Variants in PCDHA4 observed in about 807,000 individuals in gnomAD.
PCDHA4 encodes protocadherin alpha-4.
A neutral mutation model predicts 61.4 loss-of-function variants in PCDHA4; 49 were observed. The ratio of observed to expected loss-of-function variants is 0.80; its 90% CI spans 0.63 to 1.01. The LOEUF is 1.01. Among genes scored for constraint, PCDHA4 ranks in the 50% least tolerant of loss-of-function variants. The pLI is 0.00. For missense variants in PCDHA4, 1,254 were observed against 1,235.8 expected (o/e 1.01, Z -0.22); for synonymous variants, 590 against 550.3 (o/e 1.07, Z -1.01).
At chr5:140,871,649 G>T (rs781859029) in intron 1 of PCDHA4, 1 of 1,265,824 alleles carries the variant, frequency 7.9e-7, no homozygotes, top group Admixed American at 2.9e-5. Flanking sequence ...AATACCAAAT[G>T]ATACACATCT....
intron 1 of PCDHA4, among the ~76,000 whole-genome samples, chr5:140,939,605 G>GAACAAGGA (rs1468383916): frequency 1.3e-5 from 2 of 152,082 alleles, no homozygotes; most frequent in African/African-American, 4.8e-5. Flanking sequence ...CTCAAAAACA[G>GAACAAGGA]AACAAGGAGA....
chr5:140,961,776 A>G (rs1554225585), intron 1 of PCDHA4, among the ~76,000 whole-genome samples: 1 of 152,188 alleles, frequency 6.6e-6, no homozygotes, highest in African/African-American at 2.4e-5. Flanking sequence ...ATCAAGCTTA[A>G]TGGCACTTTT....
At chr5:140,811,329 G>C (rs1320139651) in intron 1 of PCDHA4, 2 of 152,082 alleles carry the variant, frequency 1.3e-5, no homozygotes, top group African/African-American at 4.8e-5. Flanking sequence ...CTCTACAAAG[G>C]ACATGAACTC....
chr5:140,828,403 C>T (rs2150154987), intron 1 of PCDHA4: 1 of 1,614,256 alleles, frequency 6.2e-7, no homozygotes, highest in South Asian at 1.1e-5. Flanking sequence ...AGTGCAGCAT[C>T]CACCTGGAGG....
At chr5:140,834,956 T>G (rs2150229347) in intron 1 of PCDHA4, 2 of 1,534,454 alleles carry the variant, frequency 1.3e-6, no homozygotes, top group African/African-American at 1.5e-5. Context: ...AGGTAAAACC[T>G]CTTGGACTTG....
At chr5:140,822,499 G>T (rs1554128681) in intron 1 of PCDHA4, 2 of 1,613,848 alleles carry the variant, frequency 1.2e-6, no homozygotes, top group South Asian at 1.1e-5. Flanking sequence ...CCCAGAATTT[G>T]ATAAATCCAT....
chr5:140,957,717 A>G (rs2095377934), intron 1 of PCDHA4, among the ~76,000 whole-genome samples: 1 of 152,166 alleles, frequency 6.6e-6, no homozygotes, highest in African/African-American at 2.4e-5. Context: ...TTATTAAGAA[A>G]GAAGCAGAAT....
intron 1 of PCDHA4, chr5:140,883,468 C>A: frequency 6.2e-7 from 1 of 1,614,164 alleles, no homozygotes; most frequent in South Asian, 1.1e-5. Context: ...TGGTGTCCAC[C>A]TACAAGAACT....
In PCDHA4 at chr5:140,823,478, G is replaced by T. The variant is rs2150126228; in HGVS notation, c.2385+13906G>T. ...AACGCGCCGGCGCTGCTGGTGCCTC[G>T]AGTGGGTGGCACCGGCGGCGCAGTG... On this transcript the variant is annotated intron_variant, in intron 1 of 3. Transcript: ENST00000530339. The T allele has an allele frequency of 3.1e-6, 5 of 1,613,472 alleles. No individual in the cohort carries two copies. In the East Asian group the frequency reaches 8.9e-5, roughly 29 times the overall value.
intron 1 of PCDHA4, among the ~76,000 whole-genome samples, chr5:140,977,005 A>C (rs982594376): frequency 3.3e-5 from 5 of 152,156 alleles, no homozygotes; most frequent in Non-Finnish European, 5.9e-5. Flanking sequence ...AAATCTTGTA[A>C]CTGTGATTCT....
intron 1 of PCDHA4, chr5:140,856,464 T>C (rs2044012633): frequency 1.3e-6 from 2 of 1,598,082 alleles, no homozygotes; most frequent in Non-Finnish European, 1.7e-6. Flanking sequence ...GAACAAAAGC[T>C]CTCAATACCT....
intron 1 of PCDHA4, chr5:140,876,061 C>G (rs782151232): frequency 6.2e-7 from 1 of 1,613,778 alleles, no homozygotes; most frequent in Non-Finnish European, 8.5e-7. Context: ...ATTAGTTCTT[C>G]GGAAGTTATT....
intron 3 of PCDHA4, among the ~76,000 whole-genome samples, chr5:140,992,344 T>G (rs2097506257): frequency 6.6e-6 from 1 of 152,124 alleles, no homozygotes; most frequent in Non-Finnish European, 1.5e-5. Context: ...GATGGAAATG[T>G]GGAGAGAGGA....
intron 1 of PCDHA4, among the ~76,000 whole-genome samples, chr5:140,906,089 A>G (rs13182228): frequency 0.33 from 49,632 of 151,980 alleles, 8,394 homozygotes; most frequent in East Asian, 0.53. Flanking sequence ...CCAGACTGAG[A>G]GTAAGTGTGT....
chr5:140,871,393 C>T (rs782354799), intron 1 of PCDHA4: 1 of 1,614,130 alleles, frequency 6.2e-7, no homozygotes, highest in Non-Finnish European at 8.5e-7. Context: ...GGAGGGCCCA[C>T]CTAAGACGGA....
chr5:140,960,031 G>A (rs1331929817), intron 1 of PCDHA4, among the ~76,000 whole-genome samples: 4 of 152,220 alleles, frequency 2.6e-5, no homozygotes, highest in African/African-American at 7.2e-5. Flanking sequence ...TGTTAAGTCC[G>A]GCTGTTTATT....
At chr5:140,966,477 T>C in intron 1 of PCDHA4, 1 of 432,754 alleles carries the variant, frequency 2.3e-6, no homozygotes, top group Non-Finnish European at 4.0e-6. Context: ...TTCTGTTTCC[T>C]TTTCCCTCCC....
intron 1 of PCDHA4, chr5:140,855,996 A>G (rs2150345731): frequency 6.7e-7 from 1 of 1,503,004 alleles, no homozygotes; most frequent in Non-Finnish European, 9.0e-7. Flanking sequence ...GTCAGATCGT[A>G]TGTGCGTTCT....
Position 140,830,271 on chromosome 5 carries a change from C to T in PCDHA4, c.2385+20699C>T, listed in dbSNP as rs2150183888. Reference sequence around the variant, plus strand: ...ACAGCGCTGCGGTGCTCGGCGCCACCCACCGAGGGCGCGTGCACGGCGGAC... The same window carrying T: ...ACAGCGCTGCGGTGCTCGGCGCCACTCACCGAGGGCGCGTGCACGGCGGAC... On this transcript the variant is annotated intron_variant, in intron 1 of 3. Transcript: ENST00000530339. The T allele has an allele frequency of 4.3e-6, 7 of 1,613,820 alleles. 1 individual carries two copies. In the South Asian group the frequency reaches 7.7e-5, roughly 18 times the overall value.
Sources: gnomAD v4.1 joint callset for allele counts (sites outside exome capture counted in the v4.1 genomes callset) on GRCh38, gnomAD v4.1.1 for gene constraint, MANE v1.5 for transcripts, NCBI Gene and HGNC (gene_info 2026-07-23, HGNC 2026-07-21) for gene names.